PIGP: variants seen among roughly 807,000 people sequenced by gnomAD.
PIGP encodes phosphatidylinositol glycan anchor biosynthesis class P.
PIGP carries 12 observed loss-of-function variants against 16.9 expected under a neutral mutation model. The ratio of observed to expected loss-of-function variants is 0.71; its 90% CI spans 0.46 to 1.15. The LOEUF (loss-of-function observed/expected upper bound fraction) is 1.15, where lower values mean the gene tolerates loss of function less well. Ranked by LOEUF, PIGP falls within the 50% of genes most tolerant of loss-of-function variation. The pLI, the probability that PIGP is intolerant of heterozygous loss-of-function variation, is 0.00. For synonymous variants in PIGP, 57 were observed against 54.7 expected (o/e 1.04, Z -0.18); for missense variants, 159 against 153.5 (o/e 1.04, Z -0.19).
At chr21:37,070,717 T>G (rs1360569962) in intron 2 of PIGP, among the ~76,000 whole-genome samples, 1 of 152,194 alleles carries the variant, frequency 6.6e-6, no homozygotes, top group Admixed American at 6.5e-5. Flanking sequence ...GCCTGGCACA[T>G]GGTAAGCACC....
At position 37,067,327 on chromosome 21, in the gene PIGP, T is replaced by G; in HGVS notation, c.209A>C (p.Tyr70Ser). Residue 70 changes from tyrosine to serine, a missense_variant, in exon 4 of 5, where the codon TAC (tyrosine) becomes TCC (serine). Coordinates refer to ENST00000360525, the MANE Select transcript of PIGP (RefSeq NM_153682.3). ...VYLLIAIVIG[Y>S]VLLFGINMMS... ...CATGTTAATCCCAAACAAGAGCACG[T>G]AGCCAATTACTATAGCAATAAGGAG... 6.2e-7 allele frequency: 1 copy of G among 1,612,406 alleles called. No homozygotes were observed. The highest frequency in any genetic ancestry group is 8.5e-7 in the Non-Finnish European group (1 of 1,178,428).
intron 2 of PIGP, among the ~76,000 whole-genome samples, chr21:37,070,973 C>T (rs1203150518): frequency 8.5e-5 from 13 of 152,222 alleles, no homozygotes; most frequent in Non-Finnish European, 1.8e-4. Context: ...GTTGGTCTGG[C>T]TGGTCTCAAA....
In PIGP at chr21:37,065,493, G is replaced by T. The variant is rs998652092; in HGVS notation, c.*89C>A. On this transcript the variant is annotated 3_prime_UTR_variant, in exon 5 of 5. Transcript: ENST00000360525. The stretch of plus-strand genomic sequence containing the variant: ...ATTTTTTACTTCTCTATTAATAAGA[G>T]AGATGGTCAAATTAATTTATGGTCA... The T allele has an allele frequency of 1.4e-5, 19 of 1,316,844 alleles. No individual in the cohort carries two copies. The African/African-American group carries it at 2.4e-4, about 17-fold the overall frequency. 81.6% of individuals were successfully genotyped at this position (1,316,844 alleles called of 1,614,324 possible).
intron 3 of PIGP, among the ~76,000 whole-genome samples, chr21:37,068,239 T>TA (rs2034196663): frequency 6.6e-6 from 1 of 151,738 alleles, no homozygotes; most frequent in Non-Finnish European, 1.5e-5. Context: ...TGTTCTCTAT[T>TA]ATTTTCTCTT....
At chr21:37,072,756 G>A in intron 1 of PIGP, 1 of 673,112 alleles carries the variant, frequency 1.5e-6, no homozygotes, top group Non-Finnish European at 2.5e-6. Context: ...CAGGGAGGGG[G>A]GTTCTGGGGC....
chr21:37,065,993 G>A (rs2069896318), intron 4 of PIGP, among the ~76,000 whole-genome samples: 1 of 152,150 alleles, frequency 6.6e-6, no homozygotes, highest in South Asian at 2.1e-4. Context: ...TGAGGCAGGA[G>A]AACAGCGTGA....
rs372796254 is a variant in PIGP at position 37,065,655 on chromosome 21, A to C, written c.332T>G (p.Leu111Ter). ...KKYQEEAIPA[L>*]RDISISEVNQ... ...TACTTCACTAATAGAAATATCTCTT[A>C]AGGCTGGAATGGCCTCCTCTTGGTA... Residue 111 changes from leucine to a stop codon, truncating the protein, a stop_gained, in exon 5 of 5, where the codon TTA (leucine) becomes TGA (stop). Transcript: ENST00000360525. LOFTEE classifies it high-confidence loss of function. 18 of 1,613,486 alleles carry C rather than the reference A, an allele frequency of 1.1e-5. No homozygotes were observed. Among genetic ancestry groups the C allele is most frequent in the Non-Finnish European group, 1.5e-5 (18 of 1,179,664 alleles).
chr21:37,065,904 T>C (rs2069894487), intron 4 of PIGP, among the ~76,000 whole-genome samples, 192 bp from the exon 5 acceptor site: 1 of 151,992 alleles, frequency 6.6e-6, no homozygotes, highest in Non-Finnish European at 1.5e-5. Context: ...AAAACATCCC[T>C]GTCTCTACTA....
At chr21:37,072,624 G>C (rs750564342) in intron 1 of PIGP, 87 bp from the exon 2 acceptor site, 9 of 1,599,778 alleles carry the variant, frequency 5.6e-6, no homozygotes, top group Admixed American at 3.3e-5. Flanking sequence ...CCGCGGGTAC[G>C]GCCCCCGCCG....
At chr21:37,066,643 A>C (rs1422936950) in intron 4 of PIGP, among the ~76,000 whole-genome samples, 1 of 152,234 alleles carries the variant, frequency 6.6e-6, no homozygotes, top group Non-Finnish European at 1.5e-5. Flanking sequence ...TAAGGAGTAC[A>C]CAATGATCCT....
At chr21:37,072,802 C>T in intron 1 of PIGP, 198 bp downstream of exon 1, 1 of 549,884 alleles carries the variant, frequency 1.8e-6, no homozygotes, top group Non-Finnish European at 3.2e-6. Context: ...AGCGTGGCCT[C>T]CCTGTGGGAG....
intron 2 of PIGP, among the ~76,000 whole-genome samples, chr21:37,071,181 G>A (rs1187608284): frequency 1.3e-5 from 2 of 152,182 alleles, no homozygotes; most frequent in Non-Finnish European, 1.5e-5. Context: ...CACTTATTAA[G>A]TCCCTAACTG....
At position 37,065,727 on chromosome 21, in the gene PIGP, CA is replaced by C. The variant is rs769368563; in HGVS notation, c.275-16del. 3 of 1,609,454 alleles carry C rather than the reference CA, an allele frequency of 1.9e-6. No homozygotes were observed. Among genetic ancestry groups the C allele is most frequent in the South Asian group, 1.1e-5 (1 of 90,380 alleles). On this transcript the variant is annotated splice_polypyrimidine_tract_variant and intron_variant, in intron 4 of 4. Coordinates refer to ENST00000360525, the MANE Select transcript of PIGP (RefSeq NM_153682.3). ...TGCATAGTTATCTGTAAGAAAAGAC[CA>C]AAAAGCTCTGTTTACCTAAGCAATT...
rs2070242073 is a variant in PIGP, at chr21:37,073,071, G to C, written c.-94C>G. ...GGGGAAGAGGAAAACCTGAGGGAAA[G>C]GCCTAGGCGCGACGGCAACCCCCAC... is the stretch of plus-strand genomic sequence containing the variant. On this transcript the variant is annotated 5_prime_UTR_variant, in exon 1 of 5. Transcript: ENST00000360525. 1 of 154,228 alleles carries C rather than the reference G, an allele frequency of 6.5e-6. No homozygotes were observed. The highest frequency in any genetic ancestry group is 2.0e-4 in the South Asian group (1 of 5,042). 9.6% of individuals were successfully genotyped at this position (154,228 alleles called of 1,614,324 possible).
intron 1 of PIGP, chr21:37,072,784 G>A (rs1162329186): frequency 5.1e-6 from 3 of 586,074 alleles, no homozygotes; most frequent in Non-Finnish European, 8.9e-6. Context: ...GCGCGCTCCA[G>A]CTCTGCAAGC....
At chr21:37,069,268 C>G (rs111364799) in intron 3 of PIGP, 1 of 211,894 alleles carries the variant, frequency 4.7e-6, no homozygotes, top group African/African-American at 2.3e-5. Context: ...TTCTGCTATA[C>G]TATTGTTTCT....
At position 37,065,459 on chromosome 21, in the gene PIGP, T is replaced by C; in HGVS notation, c.*123A>G. Reference sequence around the variant, plus strand: ...TCATTGAACATAATCTAAGAGAAGGTCAACTTACATTTTTTACTTCTCTAT... The same window carrying C: ...TCATTGAACATAATCTAAGAGAAGGCCAACTTACATTTTTTACTTCTCTAT... On this transcript the variant is annotated 3_prime_UTR_variant, in exon 5 of 5. Transcript: ENST00000360525. 2 of 863,198 alleles carry C rather than the reference T, an allele frequency of 2.3e-6. No homozygotes were observed. Among genetic ancestry groups the C allele is most frequent in the South Asian group, 3.3e-5 (2 of 60,792 alleles). 53.5% of individuals were successfully genotyped at this position (863,198 alleles called of 1,614,324 possible).
In PIGP at chr21:37,072,570, T is replaced by C. The variant is rs753966243; in HGVS notation, c.-22-33A>G. On this transcript the variant is annotated intron_variant, in intron 1 of 4. Transcript: ENST00000360525. The stretch of plus-strand genomic sequence containing the variant: ...AAAGGAACACAATCAGCGTCAGCGA[T>C]GTGCTCCGTGGCACCATTGATCCAT... 22 of 1,614,082 alleles carry C rather than the reference T, an allele frequency of 1.4e-5. No homozygotes were observed. The highest frequency in any genetic ancestry group is 4.5e-5 in the East Asian group (2 of 44,902).
chr21:37,068,777 A>C (rs1411318599), intron 3 of PIGP, among the ~76,000 whole-genome samples: 1 of 152,216 alleles, frequency 6.6e-6, no homozygotes, highest in Non-Finnish European at 1.5e-5. Flanking sequence ...TCAGGAAAGA[A>C]CTATCTATCT....
Sources: allele counts gnomAD v4.1 joint callset (sites outside exome capture counted in the v4.1 genomes callset), GRCh38; gene constraint gnomAD v4.1.1; transcripts MANE v1.5; gene names NCBI Gene and HGNC (gene_info 2026-07-23, HGNC 2026-07-21).